The following STK32B variants were observed in gnomAD, a reference collection of about 807,000 sequenced individuals.
The protein encoded by STK32B is serine/threonine-protein kinase 32B.
Under a neutral mutation model 52.6 loss-of-function variants are expected in STK32B, and 43 were observed. The observed-to-expected ratio is 0.82, with a 90% CI of 0.64 to 1.05. STK32B has a LOEUF of 1.05. STK32B is among the 50% of genes least tolerant of loss of function. The pLI is 0.00. For missense variants in STK32B, 621 were observed against 534.6 expected, an observed-to-expected ratio of 1.16 and a Z score of -1.59; for synonymous variants, 238 against 204.3, an observed-to-expected ratio of 1.17 and a Z score of -1.41.
chr4:5,249,493 T>TCCTTCCTC (rs1725754500), intron 3 of STK32B, among the ~76,000 whole-genome samples: 1 of 121,930 alleles, frequency 8.2e-6, no homozygotes, highest in Non-Finnish European at 1.7e-5. Context: ...CTTCCTTCCT[T>TCCTTCCTC]CCTTCCTTCC....
rs1741822618 is a variant in STK32B, at chr4:5,052,320, G to T, written c.52+405G>T. 2.0e-5 allele frequency among the ~76,000 whole-genome samples: 3 copies of T among 152,252 alleles called. No homozygotes were observed. In the East Asian group the frequency reaches 5.8e-4, roughly 29 times the overall value. On this transcript the variant is annotated intron_variant, in intron 1 of 11. Coordinates refer to ENST00000282908, the MANE Select transcript of STK32B (RefSeq NM_018401.3). ...GTGGCCTGGAAGGGCGGGTTGCACC[G>T]TGTGTCTGTGTGTGTGTGCGCGTGC... is the stretch of plus-strand genomic sequence containing the variant.
At chr4:5,305,572 G>A (rs1009747766) in intron 3 of STK32B, among the ~76,000 whole-genome samples, 2 of 151,930 alleles carry the variant, frequency 1.3e-5, no homozygotes, top group Non-Finnish European at 2.9e-5. Flanking sequence ...TTCTAATTGA[G>A]CTTATTTGGA....
At chr4:5,438,184 T>G in intron 6 of STK32B, 1 of 955,160 alleles carries the variant, frequency 1.0e-6, no homozygotes, top group Non-Finnish European at 1.2e-6. Flanking sequence ...ACTCCTTTTC[T>G]CTCAAGCCCT....
chr4:5,475,650 A>G (rs1718181943), intron 11 of STK32B, among the ~76,000 whole-genome samples: 1 of 151,228 alleles, frequency 6.6e-6, no homozygotes, highest in Admixed American at 6.6e-5. Context: ...GCGAGCCAAG[A>G]TCACGCCACT....
intron 2 of STK32B, among the ~76,000 whole-genome samples, chr4:5,160,298 A>C (rs1047257557): frequency 6.6e-6 from 1 of 152,176 alleles, no homozygotes; most frequent in Non-Finnish European, 1.5e-5. Flanking sequence ...CTCAGTGCTT[A>C]CCATGGAGCC....
At chr4:5,349,056 C>T (rs1461785510) in intron 4 of STK32B, among the ~76,000 whole-genome samples, 2 of 150,700 alleles carry the variant, frequency 1.3e-5, no homozygotes, top group African/African-American at 5.0e-5. Flanking sequence ...GTTGTTCTAC[C>T]ATTGTGACTA....
chr4:5,033,580 G>C, the STK32B span, among the ~76,000 whole-genome samples: 5 of 152,220 alleles, frequency 3.3e-5, no homozygotes, highest in Non-Finnish European at 5.9e-5. Flanking sequence ...TTTTGAATTT[G>C]AATGGTTCCT....
intron 1 of STK32B, among the ~76,000 whole-genome samples, chr4:5,084,729 G>A (rs1712622508): frequency 6.6e-6 from 1 of 152,146 alleles, no homozygotes; most frequent in South Asian, 2.1e-4. Context: ...AAGCAAATCT[G>A]TAAGATGAAC....
chr4:5,117,716 A>G (rs1242061266), intron 1 of STK32B, among the ~76,000 whole-genome samples: 1 of 152,116 alleles, frequency 6.6e-6, no homozygotes, highest in East Asian at 1.9e-4. Context: ...AAATAAGTTT[A>G]TATTTTTTGA....
chr4:5,360,607 G>T (rs76554996), intron 4 of STK32B, among the ~76,000 whole-genome samples: 1,582 of 152,246 alleles, frequency 0.01, 25 homozygotes, highest in East Asian at 0.075. Context: ...TTTATAGCTG[G>T]GAGAGAATGA....
rs534675676 is a variant in STK32B at position 5,244,360 on chromosome 4, G to A, written c.260+75910G>A. On this transcript the variant is annotated intron_variant, in intron 3 of 11. Coordinates refer to ENST00000282908, the MANE Select transcript of STK32B (RefSeq NM_018401.3). The stretch of plus-strand genomic sequence containing the variant: ...TTCTTCTAGATTTTCTAGTTTATTT[G>A]TGTAGAGGTGTTTGTAGTATTCTCT... 9.2e-5 allele frequency among the ~76,000 whole-genome samples: 14 copies of A among 152,264 alleles called. No homozygotes were observed. In the East Asian group the frequency reaches 2.5e-3, roughly 27 times the overall value.
At chr4:5,089,569 C>G (rs111228249) in intron 1 of STK32B, among the ~76,000 whole-genome samples, 3,603 of 152,192 alleles carry the variant, frequency 0.024, 159 homozygotes, top group African/African-American at 0.081. Flanking sequence ...GCCACATTTT[C>G]TTTATCCAGT....
Position 5,184,515 on chromosome 4 carries a change from C to G in STK32B, c.260+16065C>G, listed in dbSNP as rs57126984. On this transcript the variant is annotated intron_variant, in intron 3 of 11. Coordinates refer to ENST00000282908, the MANE Select transcript of STK32B (RefSeq NM_018401.3). ...CCAGTCTGGCCAACATGGTGAAACC[C>G]TGTCTCTACCAAAAATACAAAAGTT... 5.5e-3 allele frequency among the ~76,000 whole-genome samples: 832 copies of G among 151,932 alleles called. 8 individuals carry two copies. Among genetic ancestry groups the G allele is most frequent in the African/African-American group, 0.019 (786 of 41,454 alleles).
intron 3 of STK32B, among the ~76,000 whole-genome samples, chr4:5,221,305 A>C (rs933132659): frequency 3.9e-5 from 6 of 152,220 alleles, no homozygotes; most frequent in Non-Finnish European, 8.8e-5. Context: ...AAATGCACTC[A>C]GTATTTTTAA....
At chr4:5,350,030 G>A (rs1733726807) in intron 4 of STK32B, among the ~76,000 whole-genome samples, 1 of 152,174 alleles carries the variant, frequency 6.6e-6, no homozygotes, top group Admixed American at 6.5e-5. Flanking sequence ...GTCCCAGAAG[G>A]AGAATAGAGA....
rs183796197 is a variant in STK32B at position 5,293,190 on chromosome 4, A to G, written c.261-38030A>G. Reference sequence around the variant, plus strand: ...CCACATTTTCTTTATCCAGTCTATCATTGTTGGGCTTTTGGGTTGGTTCCA... The same window carrying G: ...CCACATTTTCTTTATCCAGTCTATCGTTGTTGGGCTTTTGGGTTGGTTCCA... On this transcript the variant is annotated intron_variant, in intron 3 of 11. Coordinates refer to ENST00000282908, the MANE Select transcript of STK32B (RefSeq NM_018401.3). 3.3e-3 allele frequency among the ~76,000 whole-genome samples: 502 copies of G among 152,090 alleles called. 4 individuals carry two copies. Among genetic ancestry groups the G allele is most frequent in the African/African-American group, 0.012 (479 of 41,498 alleles).
At chr4:5,388,551 C>A (rs1440546756) in intron 4 of STK32B, among the ~76,000 whole-genome samples, 5 of 152,178 alleles carry the variant, frequency 3.3e-5, no homozygotes, top group East Asian at 1.9e-4. Flanking sequence ...GCTCTCCACA[C>A]CCTTCTATTG....
chr4:5,332,869 C>A (rs1203103291), intron 4 of STK32B, among the ~76,000 whole-genome samples: 6 of 152,122 alleles, frequency 3.9e-5, no homozygotes, highest in South Asian at 2.1e-4. Flanking sequence ...TGTATATGTG[C>A]CACATTTTCT....
At chr4:5,473,302 G>A (rs549815375) in intron 11 of STK32B, among the ~76,000 whole-genome samples, 1 of 152,292 alleles carries the variant, frequency 6.6e-6, no homozygotes, top group South Asian at 2.1e-4. Context: ...GCTTTCAGAC[G>A]TGCAGGAAGG....
Sources: gnomAD v4.1 joint callset for allele counts (sites outside exome capture counted in the v4.1 genomes callset) on GRCh38, gnomAD v4.1.1 for gene constraint, MANE v1.5 for transcripts, NCBI Gene and HGNC (gene_info 2026-07-23, HGNC 2026-07-21) for gene names.